The following TENM2 variants were observed in gnomAD, a reference collection of about 807,000 sequenced individuals.
The protein encoded by TENM2 is teneurin transmembrane protein 2.
In TENM2, 52 loss-of-function variants were observed where a neutral mutation model predicts 245.2. The ratio of observed to expected loss-of-function variants is 0.21; its 90% CI spans 0.17 to 0.27. The LOEUF is 0.27. Among genes scored for constraint, TENM2 ranks in the 10% least tolerant of loss-of-function variants. The pLI is 1.00. For missense variants in TENM2, 3,046 were observed against 3,666.8 expected (o/e 0.83, Z 4.37); for synonymous variants, 1,363 against 1,438.9 (o/e 0.95, Z 1.19).
At chr5:167,377,552 A>G (rs1052407497) in intron 2 of TENM2, among the ~76,000 whole-genome samples, 1 of 152,214 alleles carries the variant, frequency 6.6e-6, no homozygotes, top group Admixed American at 6.5e-5. Context: ...AAAGAGGTAC[A>G]TAATGTATCT....
chr5:167,140,625 T>G, the TENM2 span, among the ~76,000 whole-genome samples: 1 of 152,322 alleles, frequency 6.6e-6, no homozygotes, highest in African/African-American at 2.4e-5. Flanking sequence ...GGAGAATATC[T>G]AAGAGTCTTG....
intron 2 of TENM2, among the ~76,000 whole-genome samples, chr5:167,726,534 C>T (rs551738970): frequency 1.3e-5 from 2 of 152,302 alleles, no homozygotes; most frequent in East Asian, 3.9e-4. Context: ...TCATTGCTCA[C>T]TGTAGACTTG....
At chr5:167,776,593 GAAAAAAAA>G (rs869252752) in intron 2 of TENM2, among the ~76,000 whole-genome samples, 9 of 36,024 alleles carry the variant, frequency 2.5e-4, no homozygotes, top group South Asian at 1.7e-3. Context: ...GACCCTGTCT[GAAAAAAAA>G]AAAAAAAAAA....
chr5:168,173,165 T>G (rs573788172), intron 13 of TENM2, among the ~76,000 whole-genome samples: 1 of 152,252 alleles, frequency 6.6e-6, no homozygotes, highest in East Asian at 1.9e-4. Context: ...AATCACAGGA[T>G]GATTTCATTT....
At chr5:167,999,079 A>G (rs964040380) in intron 5 of TENM2, among the ~76,000 whole-genome samples, 13 of 152,184 alleles carry the variant, frequency 8.5e-5, no homozygotes, top group Admixed American at 6.5e-4. Flanking sequence ...AGAATGGTAC[A>G]CTTGCCTGGC....
chr5:167,424,451 G>T (rs1173808253), intron 2 of TENM2, among the ~76,000 whole-genome samples: 2 of 152,084 alleles, frequency 1.3e-5, no homozygotes, highest in African/African-American at 2.4e-5. Context: ...AAGAAATTCT[G>T]CTCAGATTTC....
intron 2 of TENM2, among the ~76,000 whole-genome samples, chr5:167,826,502 T>C (rs923894143): frequency 2.0e-5 from 3 of 152,258 alleles, no homozygotes; most frequent in East Asian, 3.8e-4. Flanking sequence ...AAGATGTTAA[T>C]AGCACCATTT....
intron 27 of TENM2, among the ~76,000 whole-genome samples, chr5:168,254,577 A>G (rs1231414381): frequency 1.3e-5 from 2 of 151,724 alleles, no homozygotes; most frequent in East Asian, 3.9e-4. Flanking sequence ...GAAGAGAAAG[A>G]AGAACTACAA....
At chr5:167,366,513 G>A (rs1208237059) in intron 1 of TENM2, among the ~76,000 whole-genome samples, 1 of 152,034 alleles carries the variant, frequency 6.6e-6, no homozygotes, top group Non-Finnish European at 1.5e-5. Context: ...TGTGAAAGTA[G>A]GTGCTATTTT....
chr5:167,556,329 AACTTTAG>A lies in TENM2; in HGVS notation c.502+180858_502+180864del, dbSNP rs746692357. 1.4e-3 allele frequency among the ~76,000 whole-genome samples: 216 copies of A among 152,074 alleles called. 2 individuals carry two copies. Among genetic ancestry groups the A allele is most frequent in the Admixed American group, 0.014 (208 of 15,252 alleles). On this transcript the variant is annotated intron_variant, in intron 2 of 28. Transcript: ENST00000518659. ...AATTCAATGGTAGCCTGGATTCTAA[AACTTTAG>A]AGGAAGGCAATAATGGCATCTTTCT... is the stretch of plus-strand genomic sequence containing the variant.
At chr5:167,478,816 C>G (rs1161155677) in intron 2 of TENM2, among the ~76,000 whole-genome samples, 1 of 152,166 alleles carries the variant, frequency 6.6e-6, no homozygotes, top group Non-Finnish European at 1.5e-5. Flanking sequence ...TTTCTTTGCT[C>G]CAACCTCAAG....
intron 2 of TENM2, among the ~76,000 whole-genome samples, chr5:167,805,717 G>T (rs1484406443): frequency 6.6e-6 from 1 of 151,988 alleles, no homozygotes; most frequent in South Asian, 2.1e-4. Flanking sequence ...TTGAAGTTTT[G>T]TGTTCTAAAA....
chr5:167,903,877 T>G (rs969801045), intron 3 of TENM2, among the ~76,000 whole-genome samples: 1 of 152,086 alleles, frequency 6.6e-6, no homozygotes, highest in African/African-American at 2.4e-5. Context: ...TTCACTGCAG[T>G]GGAAGTTATT....
At chr5:167,814,465 A>G (rs1339971410) in intron 2 of TENM2, among the ~76,000 whole-genome samples, 1 of 150,842 alleles carries the variant, frequency 6.6e-6, no homozygotes, top group East Asian at 2.0e-4. Flanking sequence ...AAAAAAAAAA[A>G]AAAAGAAAAA....
chr5:167,333,161 G>C lies in TENM2; in HGVS notation c.227-42037G>C, dbSNP rs78287521. 2.6e-5 allele frequency among the ~76,000 whole-genome samples: 4 copies of C among 152,294 alleles called. No individual in the cohort carries two copies. The East Asian group carries it at 7.7e-4, about 29-fold the overall frequency. Reference sequence around the variant, plus strand: ...TGGATAAAGAGAGGAAAAGTAATCAGAGAAAGTCTTTCCATAACAGGAAAA... The same window carrying C: ...TGGATAAAGAGAGGAAAAGTAATCACAGAAAGTCTTTCCATAACAGGAAAA... On this transcript the variant is annotated intron_variant, in intron 1 of 28. Transcript: ENST00000518659.
At chr5:166,993,466 A>G in the TENM2 span, among the ~76,000 whole-genome samples, 1 of 152,168 alleles carries the variant, frequency 6.6e-6, no homozygotes, top group African/African-American at 2.4e-5. Context: ...AGCTTCTTGA[A>G]CAATTCTAGA....
the TENM2 span, among the ~76,000 whole-genome samples, chr5:167,001,798 T>C: frequency 6.6e-6 from 1 of 152,142 alleles, no homozygotes; most frequent in Non-Finnish European, 1.5e-5. Flanking sequence ...AGCTTGTTGG[T>C]AGCTGGAATT....
At chr5:167,869,231 A>T (rs1236436122) in intron 2 of TENM2, among the ~76,000 whole-genome samples, 1 of 152,210 alleles carries the variant, frequency 6.6e-6, no homozygotes, top group Non-Finnish European at 1.5e-5. Flanking sequence ...TGTAAAAGAC[A>T]ATTACGTATT....
intron 2 of TENM2, among the ~76,000 whole-genome samples, chr5:167,691,666 C>T (rs1433782824): frequency 6.6e-6 from 1 of 152,162 alleles, no homozygotes; most frequent in Non-Finnish European, 1.5e-5. Context: ...AGAGTAGGGT[C>T]ATTGCGCTCA....
Sources: gnomAD v4.1 joint callset for allele counts (sites outside exome capture counted in the v4.1 genomes callset) on GRCh38, gnomAD v4.1.1 for gene constraint, MANE v1.5 for transcripts, NCBI Gene and HGNC (gene_info 2026-07-23, HGNC 2026-07-21) for gene names.